The following POPDC3 variants were observed in gnomAD, a reference collection of about 807,000 sequenced individuals.
POPDC3 encodes the protein popeye domain cAMP effector 3.
Under a neutral mutation model 28.2 loss-of-function variants are expected in POPDC3, and 20 were observed. The ratio of observed to expected loss-of-function variants is 0.71; its 90% confidence interval spans 0.50 to 1.03. The LOEUF is 1.03. Ranked by LOEUF, POPDC3 falls within the 50% of genes least tolerant of loss-of-function variation. POPDC3 has a pLI of 0.00. For synonymous variants in POPDC3, 118 were observed against 124.1 expected, an observed-to-expected ratio of 0.95 and a Z score of 0.33; for missense variants, 316 against 345.9, an observed-to-expected ratio of 0.91 and a Z score of 0.69.
chr6:105,173,403 G>A (rs963015144), intron 1 of POPDC3, among the ~76,000 whole-genome samples: 2 of 152,142 alleles, frequency 1.3e-5, no homozygotes, highest in African/African-American at 2.4e-5. Flanking sequence ...TGTAACATGT[G>A]TTTGGAACTT....
At chr6:105,168,662 T>C (rs1774510093) in intron 1 of POPDC3, 1 of 152,268 alleles carries the variant, frequency 6.6e-6, no homozygotes, top group African/African-American at 2.4e-5. Flanking sequence ...ATGGGATAGA[T>C]GCTCCCTTGA....
intron 1 of POPDC3, among the ~76,000 whole-genome samples, chr6:105,174,395 A>G (rs1466774636): frequency 6.6e-6 from 1 of 152,196 alleles, no homozygotes; most frequent in Non-Finnish European, 1.5e-5. Flanking sequence ...GCTAGCAGTG[A>G]ATGGAGCGAA....
intron 1 of POPDC3, among the ~76,000 whole-genome samples, chr6:105,163,119 C>T (rs1265685027): frequency 6.6e-6 from 1 of 152,034 alleles, no homozygotes; most frequent in African/African-American, 2.4e-5. Context: ...ATTCTAAGAG[C>T]ATTAATTGAC....
At position 105,161,602 on chromosome 6, in the gene POPDC3, G is replaced by T; in HGVS notation, c.308C>A (p.Thr103Asn). Residue 103 changes from threonine to asparagine, a missense_variant, in exon 2 of 4, where the codon ACC becomes AAC. Transcript: ENST00000254765. ...CAACACTTGGAATTCTCGGGCAAAG[G>T]TTATGCTGCGAACTTGATATGCAAT... ...VHIAYQVRSI[T>N]FAREFQVLYS... 1 of 1,614,126 alleles carries T rather than the reference G, an allele frequency of 6.2e-7. No homozygotes were observed. Among genetic ancestry groups the T allele is most frequent in the Non-Finnish European group, 8.5e-7 (1 of 1,180,040 alleles).
At position 105,161,578 on chromosome 6, in the gene POPDC3, A is replaced by G. The variant is rs1268933920; in HGVS notation, c.332T>C (p.Leu111Ser). 6.2e-7 allele frequency: 1 copy of G among 1,614,224 alleles called. No homozygotes were observed. The highest frequency in any genetic ancestry group is 1.7e-5 in the Admixed American group (1 of 60,022). ...CAGGGGCTGGAAAAGGGAGCTGTAC[A>G]ACACTTGGAATTCTCGGGCAAAGGT... ...SITFAREFQVLYSSLFQPLGI... is the reference protein window; with the variant it reads ...SITFAREFQVSYSSLFQPLGI... The change falls in exon 2 of 4, where the codon TTG (leucine) becomes TCG (serine). Residue 111 changes from leucine to serine, a missense_variant. By Grantham distance (145) the Leu-to-Ser change is moderately radical. Transcript: ENST00000254765.
intron 1 of POPDC3, chr6:105,168,680 AC>A (rs1370810046): frequency 2.6e-5 from 4 of 152,232 alleles, no homozygotes; most frequent in South Asian, 2.1e-4. Context: ...TGATTAGGTA[AC>A]ATTATATGGC....
intron 1 of POPDC3, among the ~76,000 whole-genome samples, chr6:105,172,273 A>G (rs1774592454): frequency 6.6e-6 from 1 of 151,420 alleles, no homozygotes; most frequent in South Asian, 2.1e-4. Flanking sequence ...GCCAAAAAAC[A>G]CATGAAAAAA....
At chr6:105,177,006 G>A (rs954443028) in intron 1 of POPDC3, 32 of 267,128 alleles carry the variant, frequency 1.2e-4, no homozygotes, top group South Asian at 1.4e-4. Flanking sequence ...ATGATTTTGG[G>A]AAACAATATG....
chr6:105,177,759 T>G (rs1049807235), intron 1 of POPDC3, among the ~76,000 whole-genome samples: 1 of 152,214 alleles, frequency 6.6e-6, no homozygotes, highest in Non-Finnish European at 1.5e-5. Flanking sequence ...CCTTCCTTCA[T>G]GATCCCATCC....
In POPDC3 at chr6:105,158,311, T is replaced by A. The variant is rs1774226931; in HGVS notation, c.*159A>T. On this transcript the variant is annotated 3_prime_UTR_variant, in exon 4 of 4. Transcript: ENST00000254765. The stretch of plus-strand genomic sequence containing the variant: ...AAAAATTTGTAAAGTTTATTCACAA[T>A]GCAGTTGTTGAAAGGAATAAAACAG... 1.8e-6 allele frequency: 1 copy of A among 564,012 alleles called. No homozygotes were observed. The highest frequency in any genetic ancestry group is 3.6e-5 in the South Asian group (1 of 28,016). The allele number at this position is 564,012 out of a possible 1,614,324, so 34.9% of individuals were successfully genotyped here.
At chr6:105,160,946 T>A (rs1774312852) in intron 2 of POPDC3, among the ~76,000 whole-genome samples, 3 of 152,156 alleles carry the variant, frequency 2.0e-5, no homozygotes, top group Non-Finnish European at 4.4e-5. Context: ...TTTCTATATA[T>A]GTTCCTGAAG....
chr6:105,173,869 C>G lies in POPDC3; in HGVS notation c.-252+5964G>C, dbSNP rs750802266. Among the ~76,000 whole-genome samples, 4 of 137,938 alleles carry G rather than the reference C, an allele frequency of 2.9e-5. No individual in the cohort carries two copies. The South Asian group carries it at 8.6e-4, about 30-fold the overall frequency. 90.5% of individuals were successfully genotyped at this position (137,938 alleles called of 152,430 possible). A position where few individuals can be genotyped will look rare whatever the true frequency, so the allele number is the denominator to read the frequency against. On this transcript the variant is annotated intron_variant, in intron 1 of 3. Transcript: ENST00000254765. ...CATTCATAATGGGAAAAAAAAAAAC[C>G]CTGAAATTAAGAACAACAGATTATT...
rs1485434601 is a variant in POPDC3, at chr6:105,179,908, G to C, written c.-327C>G. The C allele has an allele frequency of 1.3e-5, 2 of 151,528 alleles. No individual in the cohort carries two copies. Among genetic ancestry groups the C allele is most frequent in the African/African-American group, 4.8e-5 (2 of 41,348 alleles). 9.4% of individuals were successfully genotyped at this position (151,528 alleles called of 1,614,324 possible). A position where few individuals can be genotyped will look rare whatever the true frequency, so the allele number is the denominator to read the frequency against. On this transcript the variant is annotated 5_prime_UTR_variant, in exon 1 of 4. Transcript: ENST00000254765. ...TCCCGGCGGAGCGCGCTTGACCCGG[G>C]TGGCCCGCGCGGAAGCCCTCAGCGT...
chr6:105,175,913 A>G (rs1303604310), intron 1 of POPDC3, among the ~76,000 whole-genome samples: 1 of 152,096 alleles, frequency 6.6e-6, no homozygotes, highest in Non-Finnish European at 1.5e-5. Flanking sequence ...GTAATGTAAG[A>G]GTGCCCAGTG....
At chr6:105,167,567 T>C (rs1774483633) in intron 1 of POPDC3, among the ~76,000 whole-genome samples, 1 of 151,942 alleles carries the variant, frequency 6.6e-6, no homozygotes, top group Admixed American at 6.6e-5. Context: ...GCCAACATGG[T>C]GAGACCCCGT....
At position 105,159,806 on chromosome 6, in the gene POPDC3, C is replaced by G; in HGVS notation, c.499G>C (p.Val167Leu). 6.2e-7 allele frequency: 1 copy of G among 1,611,294 alleles called. No homozygotes were observed. Among genetic ancestry groups the G allele is most frequent in the South Asian group, 1.1e-5 (1 of 91,036 alleles). ...LLVSGRIRVT[V>L]DGEFLHYIFP... The stretch of plus-strand genomic sequence containing the variant: ...ATGTAATGCAGAAATTCGCCATCAA[C>G]TGTCACTCTGATCCTATCAAAACAC... The change falls in exon 3 of 4, where the codon GTT (valine) becomes CTT (leucine). Residue 167 changes from valine to leucine, a missense_variant. By Grantham distance (32) the Val-to-Leu change is conservative. Coordinates refer to ENST00000254765, the MANE Select transcript of POPDC3 (RefSeq NM_022361.5).
chr6:105,166,660 T>G (rs1160215335), intron 1 of POPDC3: 3 of 470,958 alleles, frequency 6.4e-6, no homozygotes, highest in Non-Finnish European at 1.3e-5. Flanking sequence ...TGTGGAAATT[T>G]TGCAGCAGCC....
chr6:105,171,378 A>G (rs4946659), intron 1 of POPDC3, among the ~76,000 whole-genome samples: 1 of 152,026 alleles, frequency 6.6e-6, no homozygotes, highest in Non-Finnish European at 1.5e-5. Flanking sequence ...AATATATGCA[A>G]TAATTCAGGG....
At chr6:105,178,624 A>C in intron 1 of POPDC3, 1 of 534,358 alleles carries the variant, frequency 1.9e-6, no homozygotes, top group Non-Finnish European at 2.4e-6. Flanking sequence ...TTTTCAGGAC[A>C]GAACCTCAGA....
Sources: allele counts gnomAD v4.1 joint callset (sites outside exome capture counted in the v4.1 genomes callset), GRCh38; gene constraint gnomAD v4.1.1; transcripts MANE v1.5; gene names NCBI Gene and HGNC (gene_info 2026-07-23, HGNC 2026-07-21).